FAM171B: variants seen among roughly 807,000 people sequenced by gnomAD.
FAM171B encodes the protein family with sequence similarity 171 member B, also known as protein FAM171B.
A neutral mutation model predicts 75.6 loss-of-function variants in FAM171B; 19 were observed. The ratio of observed to expected loss-of-function variants is 0.25; its 90% CI spans 0.18 to 0.37. The LOEUF (loss-of-function observed/expected upper bound fraction) is 0.37. Among genes scored for constraint, FAM171B ranks in the 10% least tolerant of loss-of-function variants. FAM171B has a pLI of 1.00. For synonymous variants in FAM171B, 367 were observed against 361.7 expected (o/e 1.01, Z -0.17); for missense variants, 848 against 982.4 (o/e 0.86, Z 1.83).
intron 6 of FAM171B, among the ~76,000 whole-genome samples, chr2:186,756,795 C>T (rs1450451210): frequency 1.3e-5 from 2 of 152,188 alleles, no homozygotes; most frequent in Non-Finnish European, 2.9e-5. Context: ...CCCATACCAT[C>T]TGATTTGGCT....
chr2:186,717,824 G>A (rs1417453781), intron 1 of FAM171B, among the ~76,000 whole-genome samples: 1 of 152,022 alleles, frequency 6.6e-6, no homozygotes, highest in East Asian at 1.9e-4. Context: ...ACTTATTAAT[G>A]CAAGCTTTCT....
chr2:186,761,803 C>T lies in FAM171B; in HGVS notation c.1461C>T (p.Pro487=). The T allele has an allele frequency of 1.2e-6, 2 of 1,613,122 alleles. No individual in the cohort carries two copies. Among genetic ancestry groups the T allele is most frequent in the East Asian group, 2.2e-5 (1 of 44,846 alleles). Residue 487 remains proline (P), a synonymous_variant, in exon 8 of 8, where the codon CCC becomes CCT. Transcript: ENST00000304698. ...YSRNPTQSLE[P]NVGSKQPKHI... ...GAAACCCAACACAGTCTTTGGAGCCCAATGTAGGGTCCAAACAACCTAAAC... is the reference window on the plus strand; with the variant it reads ...GAAACCCAACACAGTCTTTGGAGCCTAATGTAGGGTCCAAACAACCTAAAC...
In FAM171B at chr2:186,754,199, C is replaced by T. The variant is rs969019177; in HGVS notation, c.1012+150C>T. 2.7e-5 allele frequency: 15 copies of T among 562,244 alleles called. No individual in the cohort carries two copies. In the Admixed American group the frequency reaches 4.4e-4, roughly 16 times the overall value. The allele number at this position is 562,244 out of a possible 1,614,324, so 34.8% of individuals were successfully genotyped here. Reference sequence around the variant, plus strand: ...ACTTGATCTCAGCTTATTTTTTTTTCATGTGTATCAGATTAAGCGCCATGA... The same window carrying T: ...ACTTGATCTCAGCTTATTTTTTTTTTATGTGTATCAGATTAAGCGCCATGA... On this transcript the variant is annotated intron_variant, in intron 6 of 7. Transcript: ENST00000304698.
intron 5 of FAM171B, 93 bp downstream of exon 5, chr2:186,751,397 T>A: frequency 2.6e-6 from 3 of 1,148,324 alleles, no homozygotes; most frequent in Non-Finnish European, 3.5e-6. Flanking sequence ...ACAGCTCTAG[T>A]TTTTTAGTAA....
chr2:186,729,949 T>G (rs77175200), intron 1 of FAM171B, among the ~76,000 whole-genome samples: 2,191 of 151,972 alleles, frequency 0.014, 21 homozygotes, highest in Non-Finnish European at 0.023. Flanking sequence ...TCGTTTTTTG[T>G]TTTTTGTTTT....
chr2:186,745,591 A>G (rs1690354690), intron 3 of FAM171B, among the ~76,000 whole-genome samples: 1 of 152,220 alleles, frequency 6.6e-6, no homozygotes. Context: ...TAATGATGTT[A>G]AATCTTTCTG....
intron 1 of FAM171B, among the ~76,000 whole-genome samples, chr2:186,735,526 C>T (rs919470256): frequency 6.6e-6 from 1 of 152,100 alleles, no homozygotes; most frequent in Non-Finnish European, 1.5e-5. Flanking sequence ...CCTCCTAACC[C>T]GATGATCTCA....
chr2:186,746,963 T>A, intron 3 of FAM171B, 129 bp from the exon 4 acceptor site: 1 of 666,248 alleles, frequency 1.5e-6, no homozygotes, highest in Non-Finnish European at 2.5e-6. Context: ...TTAAAATAAT[T>A]ACATGAGAAG....
Sources: gnomAD v4.1 joint callset for allele counts (sites outside exome capture counted in the v4.1 genomes callset) on GRCh38, gnomAD v4.1.1 for gene constraint, MANE v1.5 for transcripts, NCBI Gene and HGNC (gene_info 2026-07-23, HGNC 2026-07-21) for gene names.